RBMS3: variants seen among roughly 807,000 people sequenced by gnomAD.
RBMS3 encodes RNA binding motif single stranded interacting protein 3.
In RBMS3, 27 loss-of-function variants were observed where a neutral mutation model predicts 66.8. That is an observed-to-expected ratio of 0.40 (90% CI 0.30 to 0.56). RBMS3 has a LOEUF of 0.56. RBMS3 is among the 20% of genes least tolerant of loss of function. The pLI is 0.40. For synonymous variants in RBMS3, 188 were observed against 183.0 expected, an observed-to-expected ratio of 1.03 and a Z score of -0.22; for missense variants, 513 against 549.5, an observed-to-expected ratio of 0.93 and a Z score of 0.66.
intron 12 of RBMS3, among the ~76,000 whole-genome samples, chr3:29,967,238 A>G (rs1031848454): frequency 1.1e-4 from 17 of 152,020 alleles, no homozygotes; most frequent in African/African-American, 3.9e-4. Context: ...TTCTTTCTCT[A>G]TCTTGTGGAA....
At chr3:29,623,356 G>A (rs1270183953) in intron 4 of RBMS3, among the ~76,000 whole-genome samples, 2 of 151,976 alleles carry the variant, frequency 1.3e-5, no homozygotes, top group African/African-American at 2.4e-5. Flanking sequence ...ACTTTGGGAC[G>A]CCGAGGCAGG....
rs1260764656 is a variant in RBMS3 at position 29,660,357 on chromosome 3, C to A, written c.399+73152C>A. Among the ~76,000 whole-genome samples, 6 of 152,170 alleles carry A rather than the reference C, an allele frequency of 3.9e-5. No individual in the cohort carries two copies. In the East Asian group the frequency reaches 7.7e-4, roughly 20 times the overall value. ...TAGTCTGAGAGTGTAGCCACAACCA[C>A]CCTTGCACTCTTTGGGATACCATTT... On this transcript the variant is annotated intron_variant, in intron 4 of 14. Coordinates refer to ENST00000383767, the MANE Select transcript of RBMS3 (RefSeq NM_001003793.3).
chr3:29,961,283 C>T (rs889766445), intron 12 of RBMS3, among the ~76,000 whole-genome samples: 3 of 152,104 alleles, frequency 2.0e-5, no homozygotes, highest in Non-Finnish European at 2.9e-5. Flanking sequence ...CGTCTGAGAC[C>T]ACCTCAGCCT....
chr3:29,281,759 A>T lies in RBMS3; in HGVS notation c.75+3A>T, dbSNP rs759449193. The T allele has an allele frequency of 1.2e-6, 2 of 1,609,860 alleles. No homozygotes were observed. The highest frequency in any genetic ancestry group is 1.7e-6 in the Non-Finnish European group (2 of 1,176,588). Reference sequence around the variant, plus strand: ...ATCCTCATTATCTCCAAACCAAGGTATGGCTTGACCCACGGTCTGGCGATC... The same window carrying T: ...ATCCTCATTATCTCCAAACCAAGGTTTGGCTTGACCCACGGTCTGGCGATC... On this transcript the variant is annotated splice_donor_region_variant and intron_variant, in intron 1 of 14. Coordinates refer to ENST00000383767, the MANE Select transcript of RBMS3 (RefSeq NM_001003793.3).
intron 3 of RBMS3, among the ~76,000 whole-genome samples, chr3:29,586,489 A>G (rs2047524568): frequency 6.6e-6 from 1 of 152,140 alleles, no homozygotes; most frequent in Non-Finnish European, 1.5e-5. Flanking sequence ...ATTCTTTTTC[A>G]CAGATCTGTA....
chr3:29,504,762 A>G (rs2044117975), intron 3 of RBMS3, among the ~76,000 whole-genome samples: 1 of 151,450 alleles, frequency 6.6e-6, no homozygotes, highest in Non-Finnish European at 1.5e-5. Context: ...TTTATCTTTC[A>G]TCTTTTTCCT....
chr3:29,365,613 C>A (rs2037857472), intron 1 of RBMS3, among the ~76,000 whole-genome samples: 2 of 152,126 alleles, frequency 1.3e-5, no homozygotes, highest in African/African-American at 4.8e-5. Context: ...CCGGCCCATA[C>A]TCTAAGAAAA....
chr3:29,660,303 C>G (rs1396487633), intron 4 of RBMS3, among the ~76,000 whole-genome samples: 1 of 147,830 alleles, frequency 6.8e-6, no homozygotes, highest in African/African-American at 2.7e-5. Flanking sequence ...TTCTTCGTCT[C>G]TTGTAAAATT....
intron 4 of RBMS3, among the ~76,000 whole-genome samples, chr3:29,656,684 G>A (rs112204902): frequency 1.5e-3 from 233 of 152,160 alleles, no homozygotes; most frequent in African/African-American, 5.2e-3. Context: ...AAGGTTCTGT[G>A]TAGATACCTT....
intron 12 of RBMS3, among the ~76,000 whole-genome samples, chr3:29,972,999 G>A (rs1697322177): frequency 6.6e-6 from 1 of 151,990 alleles, no homozygotes; most frequent in South Asian, 2.1e-4. Context: ...AGAGGCTAAG[G>A]ACATTAGTTG....
At chr3:29,550,934 G>T (rs1163132603) in intron 3 of RBMS3, among the ~76,000 whole-genome samples, 2 of 152,180 alleles carry the variant, frequency 1.3e-5, no homozygotes, top group Non-Finnish European at 2.9e-5. Context: ...TGAAGACTGG[G>T]AATGTAGGGC....
At position 29,473,873 on chromosome 3, in the gene RBMS3, T is replaced by G. The variant is rs1400917296; in HGVS notation, c.249-14568T>G. ...CGCCGCGCGCAGCCCCGGTTCCCGCTCGCGCCTCTCCCTCCATACCTCTCT... is the reference window on the plus strand; with the variant it reads ...CGCCGCGCGCAGCCCCGGTTCCCGCGCGCGCCTCTCCCTCCATACCTCTCT... On this transcript the variant is annotated intron_variant, in intron 2 of 14. Transcript: ENST00000383767. 4.6e-5 allele frequency among the ~76,000 whole-genome samples: 7 copies of G among 152,310 alleles called. No homozygotes were observed. In the East Asian group the frequency reaches 1.4e-3, roughly 29 times the overall value.
At chr3:29,566,768 G>A (rs1300117650) in intron 3 of RBMS3, among the ~76,000 whole-genome samples, 2 of 152,050 alleles carry the variant, frequency 1.3e-5, no homozygotes, top group East Asian at 3.9e-4. Context: ...GGAGGTGGCT[G>A]CAAAGAGGTA....
intron 8 of RBMS3, among the ~76,000 whole-genome samples, chr3:29,886,983 A>G (rs1174431932): frequency 6.6e-6 from 1 of 151,804 alleles, no homozygotes; most frequent in African/African-American, 2.4e-5. Flanking sequence ...ATACTGGTGA[A>G]TAAGACACAC....
At chr3:29,588,215 T>C (rs2047601218) in intron 4 of RBMS3, among the ~76,000 whole-genome samples, 1 of 152,128 alleles carries the variant, frequency 6.6e-6, no homozygotes, top group Non-Finnish European at 1.5e-5. Flanking sequence ...TTTATTCACC[T>C]GCATCCTAAG....
intron 6 of RBMS3, among the ~76,000 whole-genome samples, chr3:29,831,119 A>ACTT (rs1223566649): frequency 6.6e-6 from 1 of 152,176 alleles, no homozygotes; most frequent in African/African-American, 2.4e-5. Flanking sequence ...ACTGCCTGAA[A>ACTT]CTTTACTCAG....
At chr3:29,974,064 C>A (rs1425033231) in intron 12 of RBMS3, among the ~76,000 whole-genome samples, 1 of 151,916 alleles carries the variant, frequency 6.6e-6, no homozygotes, top group African/African-American at 2.4e-5. Context: ...CTGCTCCATT[C>A]TTTTGAACAG....
intron 12 of RBMS3, 108 bp from the exon 13 acceptor site, chr3:29,988,035 C>A (rs376214918): frequency 1.2e-6 from 1 of 817,298 alleles, no homozygotes. Context: ...GGAAAAAATA[C>A]ACACTGGCTA....
At chr3:29,727,664 C>T (rs2053943432) in intron 4 of RBMS3, among the ~76,000 whole-genome samples, 1 of 152,200 alleles carries the variant, frequency 6.6e-6, no homozygotes. Context: ...GAGATACCAT[C>T]TCATGCCAGT....
Sources: gnomAD v4.1 joint callset for allele counts (sites outside exome capture counted in the v4.1 genomes callset) on GRCh38, gnomAD v4.1.1 for gene constraint, MANE v1.5 for transcripts, NCBI Gene and HGNC (gene_info 2026-07-23, HGNC 2026-07-21) for gene names.